The following PLXNA1 variants were observed in gnomAD, a reference collection of about 807,000 sequenced individuals.
PLXNA1 encodes plexin-A1.
In PLXNA1, 77 loss-of-function variants were observed where a neutral mutation model predicts 191.7. The observed-to-expected ratio is 0.40, with a 90% CI of 0.33 to 0.49. The LOEUF (loss-of-function observed/expected upper bound fraction) is 0.49. Among genes scored for constraint, PLXNA1 ranks in the 20% least tolerant of loss-of-function variants. The pLI is 0.63. For synonymous variants in PLXNA1, 1,137 were observed against 1,156.4 expected (o/e 0.98, Z 0.34); for missense variants, 2,110 against 2,660.2 (o/e 0.79, Z 4.55).
intron 3 of PLXNA1, among the ~76,000 whole-genome samples, chr3:127,001,886 C>A (rs1471611984): frequency 5.9e-5 from 9 of 152,248 alleles, no homozygotes; most frequent in Admixed American, 3.9e-4. Context: ...TGGCTGGCAT[C>A]CGCCTGGGTC....
chr3:127,029,581 G>A (rs748709667), intron 27 of PLXNA1, 45 bp downstream of exon 27: 1 of 1,585,654 alleles, frequency 6.3e-7, no homozygotes, highest in Non-Finnish European at 8.7e-7. Flanking sequence ...ATGGGTCCCT[G>A]GCCTGGGCAG....
Position 126,991,638 on chromosome 3 carries a change from G to A in PLXNA1, c.1377+72G>A, listed in dbSNP as rs1487690031. ...CAAAGGCTTGCGGCCGTCCCAGGTGGCAGGCCCAGTGCTGCTGTATGCTGT... is the reference window on the plus strand; with the variant it reads ...CAAAGGCTTGCGGCCGTCCCAGGTGACAGGCCCAGTGCTGCTGTATGCTGT... On this transcript the variant is annotated intron_variant, in intron 3 of 31. Transcript: ENST00000393409. 2.8e-6 allele frequency: 4 copies of A among 1,443,200 alleles called. No homozygotes were observed. In the African/African-American group the frequency reaches 5.7e-5, roughly 20 times the overall value. 89.4% of individuals were successfully genotyped at this position (1,443,200 alleles called of 1,614,324 possible).
chr3:127,031,651 C>T (rs745666903), intron 29 of PLXNA1, among the ~76,000 whole-genome samples: 35 of 152,316 alleles, frequency 2.3e-4, no homozygotes, highest in Non-Finnish European at 4.1e-4. Flanking sequence ...CCCAACCTGT[C>T]CCAGCTCCGC....
chr3:127,033,975 C>A lies in PLXNA1; in HGVS notation c.5649C>A (p.Ser1883Arg). 1 of 1,605,810 alleles carries A rather than the reference C, an allele frequency of 6.2e-7. No individual in the cohort carries two copies. The highest frequency in any genetic ancestry group is 8.5e-7 in the Non-Finnish European group (1 of 1,177,548). The change falls in exon 32 of 32, where the codon AGC becomes AGA. Residue 1883 changes from serine (S) to arginine (R), a missense_variant. Physicochemically the swap from Ser to Arg is moderately radical, Grantham distance 110. Coordinates refer to ENST00000393409, the MANE Select transcript of PLXNA1 (RefSeq NM_032242.4). ...DEQARRQRLR[S>R]KLEQVVDTMA... ...AGGCGCGGCGGCAGCGGCTGCGGAG[C>A]AAGCTGGAGCAGGTGGTGGACACGA...
At chr3:127,017,995 C>CCCTA (rs1449892850) in intron 19 of PLXNA1, 103 bp downstream of exon 19, 1 of 1,477,688 alleles carries the variant, frequency 6.8e-7, no homozygotes, top group Non-Finnish European at 9.1e-7. Context: ...CGAGACTCAC[C>CCCTA]CCTAGCTCAG....
chr3:126,983,807 C>T (rs77531838), intron 1 of PLXNA1, among the ~76,000 whole-genome samples: 11,895 of 152,044 alleles, frequency 0.078, 581 homozygotes, highest in South Asian at 0.21. Flanking sequence ...TGGCCAGGCC[C>T]GGATAGGGAT....
intron 31 of PLXNA1, 141 bp from the exon 32 acceptor site, chr3:127,033,781 C>A: frequency 1.5e-6 from 1 of 663,372 alleles, no homozygotes. Flanking sequence ...CCTGGAGGGT[C>A]CAGGCTCACA....
intron 4 of PLXNA1, among the ~76,000 whole-genome samples, 172 bp downstream of exon 4, chr3:127,003,642 C>T (rs768802427): frequency 5.3e-5 from 8 of 152,170 alleles, no homozygotes; most frequent in East Asian, 1.9e-4. Flanking sequence ...CTTGTGGGCT[C>T]GGCTGGGTCT....
rs568780749 is a variant in PLXNA1 at position 126,999,910 on chromosome 3, C to T, written c.1378-3420C>T. ...CGGGACTGCACTTCGGTCTCGGCTCCGAGCCCAGGGTCGACTCGCCCGTGT... is the reference window on the plus strand; with the variant it reads ...CGGGACTGCACTTCGGTCTCGGCTCTGAGCCCAGGGTCGACTCGCCCGTGT... On this transcript the variant is annotated intron_variant, in intron 3 of 31. Transcript: ENST00000393409. Among the ~76,000 whole-genome samples, 16 of 152,188 alleles carry T rather than the reference C, an allele frequency of 1.1e-4. No individual in the cohort carries two copies. The South Asian group carries it at 2.3e-3, about 22-fold the overall frequency.
At chr3:127,003,619 G>C (rs904851428) in intron 4 of PLXNA1, 149 bp downstream of exon 4, 4 of 966,338 alleles carry the variant, frequency 4.1e-6, no homozygotes, top group South Asian at 2.5e-5. Flanking sequence ...TCTGTGCTCT[G>C]CCTCCCTGCA....
At chr3:127,028,847 A>T in intron 25 of PLXNA1, 146 bp from the exon 26 acceptor site, 1 of 623,318 alleles carries the variant, frequency 1.6e-6, no homozygotes, top group Non-Finnish European at 2.8e-6. Context: ...ATGGCAGGTT[A>T]AGTGTGCTGC....
At chr3:126,990,983 G>A (rs1180759275) in intron 2 of PLXNA1, among the ~76,000 whole-genome samples, 5 of 152,032 alleles carry the variant, frequency 3.3e-5, no homozygotes, top group Admixed American at 1.3e-4. Flanking sequence ...CCCTGGCCCA[G>A]CCTCCCCTGC....
chr3:127,017,760 C>T lies in PLXNA1; in HGVS notation c.3528C>T (p.Leu1176=), dbSNP rs1050771115. ...CCCATCTCCTACAGGGCCGGAACCT[C>T]TTGCCACCTGCACCCGGCAACTCCC... The part of the protein sequence containing the change: ...SSPLILKGRN[L]LPPAPGNSRL... The change falls in exon 19 of 32, where the codon CTC becomes CTT. Residue 1176 remains leucine (L), a synonymous_variant. Transcript: ENST00000393409. 2 of 1,613,302 alleles carry T rather than the reference C, an allele frequency of 1.2e-6. No homozygotes were observed. Among genetic ancestry groups the T allele is most frequent in the South Asian group, 1.1e-5 (1 of 91,078 alleles).
chr3:127,023,751 GC>G (rs1338951694), intron 23 of PLXNA1, among the ~76,000 whole-genome samples: 1 of 152,186 alleles, frequency 6.6e-6, no homozygotes, highest in Non-Finnish European at 1.5e-5. Flanking sequence ...CATCCTCGCT[GC>G]CGGGAGAGAC....
chr3:127,010,174 T>C (rs1408566997), intron 9 of PLXNA1, among the ~76,000 whole-genome samples: 5 of 151,792 alleles, frequency 3.3e-5, no homozygotes, highest in Non-Finnish European at 7.4e-5. Context: ...GGGGAGAAGG[T>C]TGTAATCGGA....
rs1202935426 is a variant in PLXNA1, at chr3:127,028,837, A to G, written c.4670-156A>G. ...GGGCTGTGGCACATTGCAGGGGACT[A>G]TGGCAGGTTAAGTGTGCTGCAGCAG... On this transcript the variant is annotated intron_variant, in intron 25 of 31. Transcript: ENST00000393409. 4 of 617,064 alleles carry G rather than the reference A, an allele frequency of 6.5e-6. No individual in the cohort carries two copies. In the Admixed American group the frequency reaches 8.3e-5, roughly 13 times the overall value. The allele number at this position is 617,064 out of a possible 1,614,324, so 38.2% of individuals were successfully genotyped here. A position where few individuals can be genotyped will look rare whatever the true frequency, so the allele number is the denominator to read the frequency against.
chr3:126,983,410 T>C (rs1002430352), intron 1 of PLXNA1, among the ~76,000 whole-genome samples, 123 bp downstream of exon 1: 5 of 144,800 alleles, frequency 3.5e-5, no homozygotes, highest in Non-Finnish European at 7.7e-5. Context: ...GGCCCTCTCG[T>C]GAGGCGGCAG....
Position 126,989,160 on chromosome 3 carries a change from A to G in PLXNA1, c.567A>G (p.Thr189=). 2 of 1,613,450 alleles carry G rather than the reference A, an allele frequency of 1.2e-6. No individual in the cohort carries two copies. The highest frequency in any genetic ancestry group is 1.7e-6 in the Non-Finnish European group (2 of 1,180,046). Residue 189 remains threonine, a synonymous_variant, in exon 2 of 32, where the codon ACA becomes ACG. Transcript: ENST00000393409. The stretch of plus-strand genomic sequence containing the variant: ...GCCAGGCCAAGCTCTTCGTGGGCAC[A>G]CCCATCGATGGCAAGTCCGAGTACT... ...GQGQAKLFVG[T]PIDGKSEYFP... is the part of the protein sequence containing the mutation.
intron 3 of PLXNA1, among the ~76,000 whole-genome samples, chr3:127,002,309 G>C (rs1015665816): frequency 2.0e-5 from 3 of 152,226 alleles, no homozygotes; most frequent in Non-Finnish European, 4.4e-5. Flanking sequence ...GGTGGCCGGC[G>C]GCGCTCAGGA....
Sources: allele counts gnomAD v4.1 joint callset (sites outside exome capture counted in the v4.1 genomes callset), GRCh38; gene constraint gnomAD v4.1.1; transcripts MANE v1.5; gene names NCBI Gene and HGNC (gene_info 2026-07-23, HGNC 2026-07-21).